The following PLCG2 variants were observed in gnomAD, a reference collection of about 807,000 sequenced individuals.
The protein encoded by PLCG2 is 1-phosphatidylinositol 4,5-bisphosphate phosphodiesterase gamma-2.
Under a neutral mutation model 175.6 loss-of-function variants are expected in PLCG2, and 69 were observed. The ratio of observed to expected loss-of-function variants is 0.39; its 90% confidence interval spans 0.32 to 0.48. The LOEUF (loss-of-function observed/expected upper bound fraction) is 0.48, where lower values mean the gene tolerates loss of function less well. PLCG2 is among the 20% of genes least tolerant of loss of function. The probability of loss-of-function intolerance (pLI) is 0.91; values close to 1 mark genes in which losing one functional copy is unlikely to be tolerated. For synonymous variants in PLCG2, 827 were observed against 624.0 expected (o/e 1.33, Z -4.85); for missense variants, 1,798 against 1,650.9 (o/e 1.09, Z -1.54).
At chr16:81,872,036 C>T (rs1305518974) in intron 7 of PLCG2, among the ~76,000 whole-genome samples, 2 of 152,128 alleles carry the variant, frequency 1.3e-5, no homozygotes, top group African/African-American at 4.8e-5. Flanking sequence ...TGTTAAAAAT[C>T]ATAGAATACA....
chr16:81,869,937 G>A (rs534968342), intron 6 of PLCG2, among the ~76,000 whole-genome samples: 2 of 152,156 alleles, frequency 1.3e-5, no homozygotes, highest in East Asian at 3.9e-4. Context: ...GAGCAACCCT[G>A]CATCCAAACA....
chr16:81,759,569 G>A (rs959270168), intron 2 of PLCG2, among the ~76,000 whole-genome samples: 47 of 152,202 alleles, frequency 3.1e-4, no homozygotes, highest in Non-Finnish European at 4.9e-4. Context: ...CTCTGCCACC[G>A]TATCCTACTT....
At chr16:81,868,862 C>G (rs1005601041) in intron 5 of PLCG2, among the ~76,000 whole-genome samples, 1 of 152,212 alleles carries the variant, frequency 6.6e-6, no homozygotes, top group African/African-American at 2.4e-5. Flanking sequence ...TACTGGGGAT[C>G]TCCAGTGTAG....
rs779697226 is a variant in PLCG2, at chr16:81,908,524, G to C, written c.1666G>C (p.Gly556Arg). 2 of 1,613,780 alleles carry C rather than the reference G, an allele frequency of 1.2e-6. No individual in the cohort carries two copies. Among genetic ancestry groups the C allele is most frequent in the Middle Eastern group, 1.7e-4 (1 of 5,782 alleles). ...LLQEYCMETG[G>R]KDGTFLVRES... is the part of the protein sequence containing the mutation. ...GCAGGAATACTGCATGGAGACGGGG[G>C]GCAAGGATGGCACCTTCCTGGTTCG... Residue 556 changes from glycine to arginine, a missense_variant, in exon 17 of 33, where the codon GGC becomes CGC. Coordinates refer to ENST00000564138, the MANE Select transcript of PLCG2 (RefSeq NM_002661.5).
In PLCG2 at chr16:81,852,014, C is replaced by T. The variant is rs537919574; in HGVS notation, c.194-2430C>T. On this transcript the variant is annotated intron_variant, in intron 2 of 32. Coordinates refer to ENST00000564138, the MANE Select transcript of PLCG2 (RefSeq NM_002661.5). ...ATGACTCTAAGATGCCTTTGCTCAC[C>T]TCTGGACTTCGTTCTGTCCTCTTCC... The T allele has an allele frequency of 8.9e-5, 5 of 56,226 alleles. No individual in the cohort carries two copies. In the East Asian group the frequency reaches 1.9e-3, roughly 22 times the overall value. 3.5% of individuals were successfully genotyped at this position (56,226 alleles called of 1,614,324 possible).
At chr16:81,894,227 G>C (rs1908776207) in intron 12 of PLCG2, among the ~76,000 whole-genome samples, 1 of 152,106 alleles carries the variant, frequency 6.6e-6, no homozygotes, top group Admixed American at 6.5e-5. Flanking sequence ...CCAAGAGTTT[G>C]AGACCAGCCT....
chr16:81,832,603 C>T (rs964980766), intron 2 of PLCG2, among the ~76,000 whole-genome samples: 3 of 152,132 alleles, frequency 2.0e-5, no homozygotes, highest in South Asian at 2.1e-4. Context: ...GGGATTTTGC[C>T]GTGTTGCCCA....
At chr16:81,872,784 G>C (rs1003980974) in intron 7 of PLCG2, among the ~76,000 whole-genome samples, 1 of 152,240 alleles carries the variant, frequency 6.6e-6, no homozygotes, top group African/African-American at 2.4e-5. Context: ...ATGAACCACT[G>C]ACTGCTCCTA....
At chr16:81,818,062 C>T (rs1447618685) in intron 2 of PLCG2, among the ~76,000 whole-genome samples, 1 of 152,224 alleles carries the variant, frequency 6.6e-6, no homozygotes, top group Non-Finnish European at 1.5e-5. Context: ...GTCACTTCCT[C>T]TCTGTCGGCT....
At chr16:81,835,949 C>A (rs531025460) in intron 2 of PLCG2, among the ~76,000 whole-genome samples, 2 of 152,212 alleles carry the variant, frequency 1.3e-5, no homozygotes, top group South Asian at 4.1e-4. Context: ...TGGGTTAGGA[C>A]CCACCCTAAT....
At chr16:81,874,760 G>A (rs78354261) in intron 7 of PLCG2, among the ~76,000 whole-genome samples, 189 of 152,138 alleles carry the variant, frequency 1.2e-3, no homozygotes, top group African/African-American at 4.3e-3. Context: ...ACCTGCCTAC[G>A]TTCCACCTCT....
intron 8 of PLCG2, among the ~76,000 whole-genome samples, chr16:81,882,616 G>A (rs146517508): frequency 3.7e-4 from 57 of 152,064 alleles, no homozygotes; most frequent in African/African-American, 1.4e-3. Flanking sequence ...CCCTCCCTCT[G>A]GCCTGCGTTC....
intron 1 of PLCG2, among the ~76,000 whole-genome samples, chr16:81,784,850 G>A (rs1910899123): frequency 6.6e-6 from 1 of 152,102 alleles, no homozygotes; most frequent in Admixed American, 6.5e-5. Context: ...AGGGCCTGGG[G>A]AGCGCCTTCA....
Position 81,949,412 on chromosome 16 carries a change from A to G in PLCG2, c.3570+3149A>G, listed in dbSNP as rs192884655. Among the ~76,000 whole-genome samples the G allele has an allele frequency of 2.2e-3, 332 of 152,354 alleles. 1 individual carries two copies. The highest frequency in any genetic ancestry group is 7.5e-3 in the African/African-American group (312 of 41,582). ...ACTAGTTGTGTATAAAGGAAACTGA[A>G]TAAGTCTAATATCAGACTTGTCCTC... is the stretch of plus-strand genomic sequence containing the variant. On this transcript the variant is annotated intron_variant, in intron 31 of 32. Coordinates refer to ENST00000564138, the MANE Select transcript of PLCG2 (RefSeq NM_002661.5).
intron 2 of PLCG2, among the ~76,000 whole-genome samples, chr16:81,823,062 G>T (rs1412415980): frequency 2.0e-5 from 3 of 152,256 alleles, no homozygotes; most frequent in Admixed American, 1.3e-4. Context: ...TGCAGTAATT[G>T]GTGCAGCAGC....
rs1442361546 is a variant in PLCG2, at chr16:81,959,300, C to T, written c.*1302C>T. On this transcript the variant is annotated 3_prime_UTR_variant, in exon 33 of 33. Transcript: ENST00000564138. ...ACCCATCTGACCCTCCTCTTGTTACCCGAAATGCTGGGCTTAGTATGCATG... is the reference window on the plus strand; with the variant it reads ...ACCCATCTGACCCTCCTCTTGTTACTCGAAATGCTGGGCTTAGTATGCATG... 2 of 224,690 alleles carry T rather than the reference C, an allele frequency of 8.9e-6. No homozygotes were observed. The allele number at this position is 224,690 out of a possible 1,614,324, so 13.9% of individuals were successfully genotyped here. A position where few individuals can be genotyped will look rare whatever the true frequency, so the allele number is the denominator to read the frequency against.
In PLCG2 at chr16:81,750,663, A is replaced by ATTTTTTTTTTTTTTTTTTTT. The variant is rs543220131; in HGVS notation, c.-144-5204_-144-5185dup. The stretch of plus-strand genomic sequence containing the variant: ...TTAAAAAGCAGAATGGGGACTGGAG[A>ATTTTTTTTTTTTTTTTTTTT]TTTTTTTTTTTTTTTTTTTTTTGAG... On this transcript the variant is annotated intron_variant, in intron 1 of 5. Coordinates refer to the PLCG2 transcript ENST00000565054. Among the ~76,000 whole-genome samples the ATTTTTTTTTTTTTTTTTTTT allele has an allele frequency of 4.8e-4, 33 of 68,458 alleles. 13 individuals carry two copies. The highest frequency in any genetic ancestry group is 7.1e-4 in the Non-Finnish European group (27 of 37,816). The allele number at this position is 68,458 out of a possible 152,430, so 44.9% of individuals were successfully genotyped here. A position where few individuals can be genotyped will look rare whatever the true frequency, so the allele number is the denominator to read the frequency against.
At chr16:81,825,513 T>G (rs1036626414) in intron 2 of PLCG2, among the ~76,000 whole-genome samples, 2 of 152,130 alleles carry the variant, frequency 1.3e-5, no homozygotes, top group African/African-American at 4.8e-5. Flanking sequence ...CAGGCTGGTC[T>G]CCAACTCCTG....
intron 1 of PLCG2, 93 bp downstream of exon 1, chr16:81,779,517 C>G (rs1910633149): frequency 6.6e-6 from 1 of 151,932 alleles, no homozygotes. Context: ...CCGAGGGGGT[C>G]TGCGTCCTGG....
Sources: gnomAD v4.1 joint callset for allele counts (sites outside exome capture counted in the v4.1 genomes callset) on GRCh38, gnomAD v4.1.1 for gene constraint, MANE v1.5 for transcripts, NCBI Gene and HGNC (gene_info 2026-07-23, HGNC 2026-07-21) for gene names.